The following ETV1 variants were observed in gnomAD, a reference collection of about 807,000 sequenced individuals.
ETV1 encodes the protein ETS translocation variant 1.
Under a neutral mutation model 62.3 loss-of-function variants are expected in ETV1, and 27 were observed. The ratio of observed to expected loss-of-function variants is 0.43; its 90% CI spans 0.32 to 0.60. The LOEUF (loss-of-function observed/expected upper bound fraction) is 0.60, where lower values mean the gene tolerates loss of function less well. Among genes scored for constraint, ETV1 ranks in the 20% least tolerant of loss-of-function variants. The pLI is 0.06. For synonymous variants in ETV1, 222 were observed against 199.6 expected, an observed-to-expected ratio of 1.11 and a Z score of -0.94; for missense variants, 605 against 605.8, an observed-to-expected ratio of 1.00 and a Z score of 0.01.
At chr7:13,940,661 T>C (rs1449748414) in intron 6 of ETV1, among the ~76,000 whole-genome samples, 1 of 152,166 alleles carries the variant, frequency 6.6e-6, no homozygotes, top group African/African-American at 2.4e-5. Context: ...AAGTCCGCTT[T>C]CCAAAAAGGA....
At chr7:13,968,647 A>G (rs1780551954) in intron 6 of ETV1, among the ~76,000 whole-genome samples, 1 of 151,858 alleles carries the variant, frequency 6.6e-6, no homozygotes, top group African/African-American at 2.4e-5. Flanking sequence ...TTCTACTTAC[A>G]TTATTCCCCC....
At chr7:13,980,415 A>T (rs77920698) in intron 5 of ETV1, among the ~76,000 whole-genome samples, 13 of 152,140 alleles carry the variant, frequency 8.5e-5, no homozygotes, top group African/African-American at 3.1e-4. Context: ...AGCCATACCA[A>T]CTCCAAAGTT....
intron 7 of ETV1, among the ~76,000 whole-genome samples, 176 bp from the exon 8 acceptor site, chr7:13,936,072 C>A (rs946933508): frequency 1.3e-5 from 2 of 152,248 alleles, no homozygotes; most frequent in East Asian, 1.9e-4. Flanking sequence ...TCACAACACC[C>A]TTAAACAGAA....
At chr7:13,927,316 G>A (rs1785543357) in intron 9 of ETV1, among the ~76,000 whole-genome samples, 2 of 152,094 alleles carry the variant, frequency 1.3e-5, no homozygotes, top group African/African-American at 4.8e-5. Flanking sequence ...GCTGGACATG[G>A]TGGCACACGC....
rs1782832402 is a variant in ETV1, at chr7:13,989,150, A to G, written c.-87-11T>C. 2 of 1,031,896 alleles carry G rather than the reference A, an allele frequency of 1.9e-6. No homozygotes were observed. Among genetic ancestry groups the G allele is most frequent in the Non-Finnish European group, 1.4e-6 (1 of 702,650 alleles). The allele number at this position is 1,031,896 out of a possible 1,614,324, so 63.9% of individuals were successfully genotyped here. On this transcript the variant is annotated splice_polypyrimidine_tract_variant and intron_variant, in intron 2 of 13. Transcript: ENST00000430479. The stretch of plus-strand genomic sequence containing the variant: ...TGGACTTCTATCAACCTAGAGGGGA[A>G]CAAGATGGCTTTTAGGCTTAAAAAA...
chr7:13,900,643 G>A (rs1037087995), intron 13 of ETV1, 95 bp downstream of exon 13: 9 of 837,308 alleles, frequency 1.1e-5, no homozygotes, highest in South Asian at 7.9e-5. Context: ...TGAAAAACTC[G>A]CTTCAGCAAT....
At chr7:13,909,753 C>T in intron 10 of ETV1, 53 bp from the exon 11 acceptor site, 14 of 1,400,322 alleles carry the variant, frequency 1.0e-5, no homozygotes, top group African/African-American at 1.4e-5. Flanking sequence ...AGCTCACAAA[C>T]ACTTAAAATA....
intron 6 of ETV1, among the ~76,000 whole-genome samples, chr7:13,947,862 T>C (rs568461392): frequency 3.9e-5 from 6 of 152,300 alleles, no homozygotes; most frequent in Middle Eastern, 6.8e-3. Context: ...GACACAGTCC[T>C]TATTATCAAG....
chr7:13,892,967 C>T lies in ETV1; in HGVS notation c.*2899G>A, dbSNP rs538051662. ...TTACTGAAGTTGTGGTAATTGGTTA[C>T]AGCATCTACGGGAAACTAGACCTCC... is the stretch of plus-strand genomic sequence containing the variant. On this transcript the variant is annotated 3_prime_UTR_variant, in exon 14 of 14. Transcript: ENST00000430479. The T allele has an allele frequency of 9.0e-5, 21 of 232,668 alleles. No homozygotes were observed. The East Asian group carries it at 1.0e-3, about 11-fold the overall frequency. 14.4% of individuals were successfully genotyped at this position (232,668 alleles called of 1,614,324 possible).
intron 7 of ETV1, among the ~76,000 whole-genome samples, chr7:13,936,816 G>T (rs1049115550): frequency 9.9e-5 from 15 of 152,122 alleles, no homozygotes; most frequent in African/African-American, 3.6e-4. Context: ...TGAGGTGGGA[G>T]GATCGCTTAA....
chr7:13,976,981 A>G (rs1425596853), intron 6 of ETV1, among the ~76,000 whole-genome samples: 1 of 152,184 alleles, frequency 6.6e-6, no homozygotes. Context: ...TAAGCCAATG[A>G]ATGTTTGGTC....
chr7:13,983,618 T>C (rs3801103), intron 5 of ETV1, among the ~76,000 whole-genome samples: 83,741 of 147,454 alleles, frequency 0.57, 24,155 homozygotes, highest in African/African-American at 0.63. Flanking sequence ...GCATATTCCC[T>C]GACTTTTTTT....
At chr7:13,958,176 T>C (rs1276457116) in intron 6 of ETV1, among the ~76,000 whole-genome samples, 1 of 152,254 alleles carries the variant, frequency 6.6e-6, no homozygotes, top group East Asian at 1.9e-4. Context: ...TGTGCCTATA[T>C]ACTAAAATCC....
rs769261497 is a variant in ETV1, at chr7:13,911,268, C to A, written c.842G>T (p.Gly281Val). The A allele has an allele frequency of 6.2e-7, 1 of 1,612,962 alleles. No individual in the cohort carries two copies. The change falls in exon 10 of 14, where the codon GGC becomes GTC. Residue 281 changes from glycine (G) to valine (V), a missense_variant. Coordinates refer to ENST00000430479, the MANE Select transcript of ETV1 (RefSeq NM_004956.5). Reference protein sequence around the residue: ...SCHSIYMRQEGFLAHPSRTEG... With the variant: ...SCHSIYMRQEVFLAHPSRTEG... ...TGTTCTGCTGGGATGAGCCAGGAAGCCTTCTTGCCTCATATAAATGGAGTG... is the reference window on the plus strand; with the variant it reads ...TGTTCTGCTGGGATGAGCCAGGAAGACTTCTTGCCTCATATAAATGGAGTG...
intron 6 of ETV1, among the ~76,000 whole-genome samples, chr7:13,953,516 C>T (rs1789060021): frequency 6.6e-6 from 1 of 152,088 alleles, no homozygotes; most frequent in African/African-American, 2.4e-5. Context: ...TGAGTAGGAG[C>T]TGGAAGATCC....
At chr7:13,968,298 A>AAT (rs1452551407) in intron 6 of ETV1, among the ~76,000 whole-genome samples, 1 of 151,960 alleles carries the variant, frequency 6.6e-6, no homozygotes, top group Non-Finnish European at 1.5e-5. Context: ...GACTTGGGTT[A>AAT]ATATATATAT....
intron 6 of ETV1, among the ~76,000 whole-genome samples, chr7:13,943,497 T>C (rs757641645): frequency 6.6e-5 from 10 of 152,162 alleles, no homozygotes; most frequent in Admixed American, 2.0e-4. Context: ...TACTCTATGA[T>C]CCATTAATAC....
chr7:13,927,434 A>G (rs909056019), intron 9 of ETV1, among the ~76,000 whole-genome samples: 4 of 152,230 alleles, frequency 2.6e-5, no homozygotes, highest in African/African-American at 9.6e-5. Flanking sequence ...CCTGGGCGAC[A>G]GGATGAAACT....
At chr7:13,945,219 G>A (rs748221323) in intron 6 of ETV1, among the ~76,000 whole-genome samples, 2 of 152,128 alleles carry the variant, frequency 1.3e-5, no homozygotes, top group Admixed American at 6.6e-5. Flanking sequence ...GCTCATAATT[G>A]AGCAAATTTG....
Sources: gnomAD v4.1 joint callset for allele counts (sites outside exome capture counted in the v4.1 genomes callset) on GRCh38, gnomAD v4.1.1 for gene constraint, MANE v1.5 for transcripts, NCBI Gene and HGNC (gene_info 2026-07-23, HGNC 2026-07-21) for gene names.